The following FEZF1 variants were observed in gnomAD, a reference collection of about 807,000 sequenced individuals.
FEZF1 encodes FEZ family zinc finger 1.
Under a neutral mutation model 32.4 loss-of-function variants are expected in FEZF1, and 8 were observed. That is an observed-to-expected ratio of 0.25 (90% CI 0.15 to 0.45). The LOEUF (loss-of-function observed/expected upper bound fraction) is 0.45, where lower values mean the gene tolerates loss of function less well. Among genes scored for constraint, FEZF1 ranks in the 20% least tolerant of loss-of-function variants. The pLI is 1.00. For missense variants in FEZF1, 546 were observed against 622.3 expected (o/e 0.88, Z 1.31); for synonymous variants, 259 against 265.2 (o/e 0.98, Z 0.23).
chr7:122,306,994 G>T (rs2031300617), upstream of FEZF1: 1 of 152,324 alleles, frequency 6.6e-6, no homozygotes, highest in Admixed American at 6.5e-5. Context: ...GGGGCCACGG[G>T]ACAGAGCACC....
chr7:122,304,548 G>T lies in FEZF1; in HGVS notation c.-111C>A. On this transcript the variant is annotated 5_prime_UTR_variant, in exon 1 of 4. Coordinates refer to ENST00000442488, the MANE Select transcript of FEZF1 (RefSeq NM_001024613.4). ...GGGACGGGCACCATCACCACCAGTAGCCTCCTCCTCCTCCTCCTCCCCAGC... is the reference window on the plus strand; with the variant it reads ...GGGACGGGCACCATCACCACCAGTATCCTCCTCCTCCTCCTCCTCCCCAGC... 1.2e-6 allele frequency: 1 copy of T among 847,046 alleles called. No individual in the cohort carries two copies. The highest frequency in any genetic ancestry group is 2.5e-5 in the South Asian group (1 of 40,360). The allele number at this position is 847,046 out of a possible 1,614,324, so 52.5% of individuals were successfully genotyped here. A position where few individuals can be genotyped will look rare whatever the true frequency, so the allele number is the denominator to read the frequency against.
In FEZF1 at chr7:122,303,782, T is replaced by G. The variant is rs550264578; in HGVS notation, c.656A>C (p.Lys219Thr). 6.2e-7 allele frequency: 1 copy of G among 1,614,220 alleles called. No homozygotes were observed. The highest frequency in any genetic ancestry group is 2.2e-5 in the East Asian group (1 of 44,866). ...VEKYPSGVAF[K>T]DLSQAQLQHY... ...CTGCAGCTGAGCCTGGGACAGGTCT[T>G]TGAAAGCTACTCCAGAAGGGTATTT... Residue 219 changes from lysine (K) to threonine (T), a missense_variant, in exon 1 of 4, where the codon AAA (lysine) becomes ACA (threonine). Lys to Thr is a moderately conservative substitution (Grantham distance 78). Coordinates refer to ENST00000442488, the MANE Select transcript of FEZF1 (RefSeq NM_001024613.4).
rs750065914 is a variant in FEZF1 at position 122,303,937 on chromosome 7, G to A, written c.501C>T (p.Asp167=). The A allele has an allele frequency of 6.8e-6, 11 of 1,608,096 alleles. No homozygotes were observed. In the Admixed American group the frequency reaches 1.2e-4, roughly 17 times the overall value. Residue 167 remains aspartate, a synonymous_variant, in exon 1 of 4, where the codon GAC becomes GAT. Transcript: ENST00000442488. ...MGALCYLNRG[D]GPCHPAAGVN... is the part of the protein sequence containing the mutation. Reference sequence around the variant, plus strand: ...CGCCGGCTGCCGGGTGGCATGGGCCGTCACCTCGGTTCAGGTAGCACAAGG... The same window carrying A: ...CGCCGGCTGCCGGGTGGCATGGGCCATCACCTCGGTTCAGGTAGCACAAGG...
rs935606228 is a variant in FEZF1, at chr7:122,304,691, G to A, written c.-254C>T. 1.2e-5 allele frequency: 5 copies of A among 422,804 alleles called. No homozygotes were observed. The highest frequency in any genetic ancestry group is 7.6e-5 in the East Asian group (2 of 26,178). 26.2% of individuals were successfully genotyped at this position (422,804 alleles called of 1,614,324 possible). ...CTTATTTCTATCAATAGAAAGTGTT[G>A]TGTCAATAACGCAGCCAAGATCTCG... On this transcript the variant is annotated 5_prime_UTR_variant, in exon 1 of 4. Transcript: ENST00000442488.
In FEZF1 at chr7:122,302,048, C is replaced by T. The variant is rs1449995015; in HGVS notation, c.1377G>A (p.Pro459=). The T allele has an allele frequency of 6.2e-7, 1 of 1,602,962 alleles. No homozygotes were observed. Among genetic ancestry groups the T allele is most frequent in the Admixed American group, 1.7e-5 (1 of 59,664 alleles). The change falls in exon 4 of 4, where the codon CCG becomes CCA. Residue 459 remains proline, a synonymous_variant. Transcript: ENST00000442488. This position sits in a 1 kb window ranked among gnomAD's most constrained non-coding sequence, Gnocchi z 4.4. The part of the protein sequence containing the change: ...PPMTLPPLQP[P]LPTPGPLQPG... ...GCTGCAGGGGCCCCGGGGTTGGCAG[C>T]GGCGGCTGCAGAGGAGGCAGCGTCA... is the stretch of plus-strand genomic sequence containing the variant.
rs2031087035 is a variant in FEZF1 at position 122,302,655 on chromosome 7, A to G, written c.1069+144T>C. 1.1e-6 allele frequency: 1 copy of G among 919,726 alleles called. No individual in the cohort carries two copies. The highest frequency in any genetic ancestry group is 1.7e-5 in the African/African-American group (1 of 60,536). 57.0% of individuals were successfully genotyped at this position (919,726 alleles called of 1,614,324 possible). ...ATGAATCATGCTTTTCTCTAATACT[A>G]ATCAGACTTCGAGTAGGGAGTTAGA... On this transcript the variant is annotated intron_variant, in intron 3 of 3. Transcript: ENST00000442488. This position sits in a 1 kb window ranked among gnomAD's most constrained non-coding sequence, Gnocchi z 4.4.
At position 122,303,814 on chromosome 7, in the gene FEZF1, C is replaced by T. The variant is rs1439173093; in HGVS notation, c.624G>A (p.Ala208=). The T allele has an allele frequency of 6.2e-7, 1 of 1,614,090 alleles. No homozygotes were observed. The highest frequency in any genetic ancestry group is 1.3e-5 in the African/African-American group (1 of 74,944). ...CTACTCCAGAAGGGTATTTCTCCAC[C>T]GCCGGGACCACCAGTTTATTCCTTT... ...LAERNKLVVP[A]VEKYPSGVAF... The change falls in exon 1 of 4, where the codon GCG becomes GCA. Residue 208 remains alanine, a synonymous_variant. Transcript: ENST00000442488.
In FEZF1 at chr7:122,303,578, G is replaced by A. The variant is rs139019500; in HGVS notation, c.801+59C>T. ...GGAGGGAAGGAGGGAGGGAGGGAGG[G>A]AAGGAAGGAAGGAAGGAAGGGAGGG... On this transcript the variant is annotated intron_variant, in intron 1 of 3. Coordinates refer to ENST00000442488, the MANE Select transcript of FEZF1 (RefSeq NM_001024613.4). 26,665 of 976,794 alleles carry A rather than the reference G, an allele frequency of 0.027. 1,141 individuals carry two copies. Among genetic ancestry groups the A allele is most frequent in the Middle Eastern group, 0.044 (133 of 3,054 alleles). The allele number at this position is 976,794 out of a possible 1,614,324, so 60.5% of individuals were successfully genotyped here.
At chr7:122,309,845 C>G (rs1409223283) in intron 1 of FEZF1, 2 of 152,126 alleles carry the variant, frequency 1.3e-5, no homozygotes. Flanking sequence ...TAGAAAAAAC[C>G]TGTTTTCGTG....
Position 122,304,060 on chromosome 7 carries a change from A to T in FEZF1, c.378T>A (p.Ser126Arg). The change falls in exon 1 of 4, where the codon AGT (serine) becomes AGA (arginine). Residue 126 changes from serine (S) to arginine (R), a missense_variant. By Grantham distance (110) the Ser-to-Arg change is moderately radical. Transcript: ENST00000442488. ...CGTCGCGGGCCAGGTCGCCCTTGAG[A>T]CTCAGTGCGCAGTTGAGCAGGTCGC... ...SCSDLLNCAL[S>R]LKGDLARDAL... The T allele has an allele frequency of 6.4e-7, 1 of 1,561,690 alleles. No homozygotes were observed. Among genetic ancestry groups the T allele is most frequent in the Non-Finnish European group, 8.7e-7 (1 of 1,155,854 alleles).
chr7:122,309,746 A>C (rs1430697875), upstream of FEZF1: 1 of 152,264 alleles, frequency 6.6e-6, no homozygotes, highest in African/African-American at 2.4e-5. Context: ...GTCACTTACA[A>C]GGGTGTTACT....
At position 122,304,285 on chromosome 7, in the gene FEZF1, G is replaced by A. The variant is rs2031194664; in HGVS notation, c.153C>T (p.Phe51=). Residue 51 remains phenylalanine, a synonymous_variant, in exon 1 of 4, where the codon TTC becomes TTT. Coordinates refer to ENST00000442488, the MANE Select transcript of FEZF1 (RefSeq NM_001024613.4). ...PEPKALPVPH[F]LQGALPKGEP... ...CCCCCTTGGGTAAGGCTCCCTGCAG[G>A]AAGTGGGGGACTGGCAGGGCCTTGG... The A allele has an allele frequency of 1.9e-6, 3 of 1,611,994 alleles. No individual in the cohort carries two copies. Among genetic ancestry groups the A allele is most frequent in the Non-Finnish European group, 2.5e-6 (3 of 1,178,816 alleles).
At chr7:122,306,066 C>T (rs2031270808), upstream of FEZF1, 1 of 152,286 alleles carries the variant, frequency 6.6e-6, no homozygotes, top group Non-Finnish European at 1.5e-5. Context: ...GGCGCAGTCT[C>T]TTGCCAGCCG....
At position 122,302,992 on chromosome 7, in the gene FEZF1, C is replaced by G. The variant is rs1414055511; in HGVS notation, c.937-61G>C. The G allele has an allele frequency of 2.6e-6, 4 of 1,560,590 alleles. No homozygotes were observed. The highest frequency in any genetic ancestry group is 1.2e-5 in the South Asian group (1 of 81,640). On this transcript the variant is annotated intron_variant, in intron 2 of 3. Coordinates refer to ENST00000442488, the MANE Select transcript of FEZF1 (RefSeq NM_001024613.4). This position sits in a 1 kb window ranked among gnomAD's most constrained non-coding sequence, Gnocchi z 4.4. ...TATTTTCTAATTATGTGAAGTTCTGCAAGCTCAAAACACAGTAATGCTTAA... is the reference window on the plus strand; with the variant it reads ...TATTTTCTAATTATGTGAAGTTCTGGAAGCTCAAAACACAGTAATGCTTAA...
chr7:122,305,026 G>C (rs1317403622), upstream of FEZF1: 1 of 151,340 alleles, frequency 6.6e-6, no homozygotes, highest in Non-Finnish European at 1.5e-5. Flanking sequence ...GCAAATCTGA[G>C]ATCAATTTTC....
At position 122,302,952 on chromosome 7, in the gene FEZF1, G is replaced by A. The variant is rs774082152; in HGVS notation, c.937-21C>T. 3.1e-6 allele frequency: 5 copies of A among 1,592,034 alleles called. No individual in the cohort carries two copies. In the East Asian group the frequency reaches 9.0e-5, roughly 29 times the overall value. ...TTTTCCTAAGCAGGAGAAAGGAAAA[G>A]CAGAGACATTTAGATATTTTCTAAT... On this transcript the variant is annotated intron_variant, in intron 2 of 3. Transcript: ENST00000442488. The surrounding 1 kb of genome is among the most constrained non-coding windows in gnomAD (Gnocchi z 4.4).
chr7:122,304,750 T>C lies in FEZF1; in HGVS notation c.-313A>G. ...TAACTTCCAAGAGGAGAAGGTAAAC[T>C]AGATAATTGCTCAATTCGCTTCCAA... On this transcript the variant is annotated 5_prime_UTR_variant, in exon 1 of 4. Coordinates refer to ENST00000442488, the MANE Select transcript of FEZF1 (RefSeq NM_001024613.4). The C allele has an allele frequency of 3.0e-6, 1 of 336,944 alleles. No homozygotes were observed. Among genetic ancestry groups the C allele is most frequent in the East Asian group, 5.6e-5 (1 of 17,824 alleles). 20.9% of individuals were successfully genotyped at this position (336,944 alleles called of 1,614,324 possible). A position where few individuals can be genotyped will look rare whatever the true frequency, so the allele number is the denominator to read the frequency against.
At chr7:122,303,043 A>G (rs536086348) in intron 2 of FEZF1, 112 bp from the exon 3 acceptor site, 10 of 1,525,150 alleles carry the variant, frequency 6.6e-6, no homozygotes, top group Admixed American at 5.5e-5. Flanking sequence ...ACAAAAGCAA[A>G]CAATACATGG....
rs1215360904 is a variant in FEZF1 at position 122,301,924 on chromosome 7, G to C, written c.*73C>G. ...TGCCCTGGGGTCTGCAGACGAACTC[G>C]GACCAGGAGCTCTAGTCTGCCGCTG... On this transcript the variant is annotated 3_prime_UTR_variant, in exon 4 of 4. Coordinates refer to ENST00000442488, the MANE Select transcript of FEZF1 (RefSeq NM_001024613.4). 1.3e-6 allele frequency: 2 copies of C among 1,522,164 alleles called. No individual in the cohort carries two copies. Among genetic ancestry groups the C allele is most frequent in the Non-Finnish European group, 1.7e-6 (2 of 1,147,244 alleles). 94.3% of individuals were successfully genotyped at this position (1,522,164 alleles called of 1,614,324 possible). A position where few individuals can be genotyped will look rare whatever the true frequency, so the allele number is the denominator to read the frequency against.
Sources: allele counts gnomAD v4.1 joint callset, GRCh38; gene constraint gnomAD v4.1.1; non-coding constraint Gnocchi (gnomAD v3.1); transcripts MANE v1.5; gene names NCBI Gene and HGNC (gene_info 2026-07-23, HGNC 2026-07-21).